Variants in LMBR1 observed in about 807,000 individuals in gnomAD.
LMBR1 encodes limb development membrane protein 1.
Under a neutral mutation model 73.9 loss-of-function variants are expected in LMBR1, and 52 were observed. That is an observed-to-expected ratio of 0.70 (90% CI 0.56 to 0.89). The LOEUF (loss-of-function observed/expected upper bound fraction) is 0.89, where lower values mean the gene tolerates loss of function less well. Ranked by LOEUF, LMBR1 falls within the 40% of genes least tolerant of loss-of-function variation. LMBR1 has a pLI of 0.00. For missense variants in LMBR1, 539 were observed against 579.8 expected (o/e 0.93, Z 0.72); for synonymous variants, 215 against 209.4 (o/e 1.03, Z -0.23).
At chr7:156,868,032 T>A (rs1798717993) in intron 1 of LMBR1, among the ~76,000 whole-genome samples, 1 of 151,988 alleles carries the variant, frequency 6.6e-6, no homozygotes, top group Non-Finnish European at 1.5e-5. Flanking sequence ...GGAAAGAAAA[T>A]TTTTTTAATA....
intron 9 of LMBR1, among the ~76,000 whole-genome samples, chr7:156,737,056 CTT>C (rs992475290): frequency 1.4e-4 from 22 of 152,290 alleles, no homozygotes; most frequent in African/African-American, 3.6e-4. Context: ...TGGAGCATCT[CTT>C]GTTTCCTACG....
intron 5 of LMBR1, among the ~76,000 whole-genome samples, chr7:156,790,025 C>T (rs916908927): frequency 2.6e-5 from 4 of 151,980 alleles, no homozygotes; most frequent in African/African-American, 9.7e-5. Flanking sequence ...CATTATGAGA[C>T]ATTAGTTAGT....
intron 4 of LMBR1, among the ~76,000 whole-genome samples, chr7:156,820,443 G>A (rs926412806): frequency 1.3e-5 from 2 of 152,180 alleles, no homozygotes; most frequent in Non-Finnish European, 1.5e-5. Context: ...GGCCCATTAT[G>A]TTGACGATAT....
chr7:156,759,978 A>G (rs1418311598), intron 8 of LMBR1, among the ~76,000 whole-genome samples: 12 of 152,346 alleles, frequency 7.9e-5, no homozygotes, highest in Non-Finnish European at 1.3e-4. Context: ...CAGGAAGGAC[A>G]GTTAGGAACA....
chr7:156,870,685 A>G (rs1477805805), intron 1 of LMBR1, among the ~76,000 whole-genome samples: 1 of 151,980 alleles, frequency 6.6e-6, no homozygotes, highest in Non-Finnish European at 1.5e-5. Context: ...GACTGGTGTG[A>G]ACCCAGGAGG....
chr7:156,866,769 A>G (rs915438302), intron 1 of LMBR1, among the ~76,000 whole-genome samples: 2 of 151,882 alleles, frequency 1.3e-5, no homozygotes, highest in African/African-American at 4.8e-5. Context: ...GCACCCAGCT[A>G]AATTTTGTAT....
Position 156,670,200 on chromosome 7 carries a change from C to T in LMBR1, n.867-913G>A, listed in dbSNP as rs1490882026. Among the ~76,000 whole-genome samples, 1 of 152,222 alleles carries T rather than the reference C, an allele frequency of 6.6e-6. No individual in the cohort carries two copies. Among genetic ancestry groups the T allele is most frequent in the Non-Finnish European group, 1.5e-5 (1 of 68,046 alleles). ...AAAAGCACACAATTCGTATTTCCCA[C>T]CCACTAGGGCACACACATTTCCTTC... On this transcript the variant is annotated intron_variant and non_coding_transcript_variant, in intron 4 of 4. Coordinates refer to the LMBR1 transcript ENST00000430825. The surrounding 1 kb of genome is among the most constrained non-coding windows in gnomAD (Gnocchi z 4.3).
chr7:156,892,890 C>G, intron 1 of LMBR1, 38 bp downstream of exon 1: 1 of 1,402,530 alleles, frequency 7.1e-7, no homozygotes, highest in Non-Finnish European at 9.3e-7. Context: ...CCCGGGCGGG[C>G]ACGCGGGACT....
At chr7:156,886,803 C>T (rs1442407433) in intron 1 of LMBR1, among the ~76,000 whole-genome samples, 1 of 152,196 alleles carries the variant, frequency 6.6e-6, no homozygotes, top group African/African-American at 2.4e-5. Flanking sequence ...ATTTTGTTCA[C>T]AGTTGGGTAT....
intron 1 of LMBR1, among the ~76,000 whole-genome samples, chr7:156,854,677 A>G (rs1796699588): frequency 6.6e-6 from 1 of 152,222 alleles, no homozygotes; most frequent in African/African-American, 2.4e-5. Flanking sequence ...AAGGAGGTCA[A>G]AAGCCGAGTA....
intron 3 of LMBR1, among the ~76,000 whole-genome samples, chr7:156,830,447 C>A (rs1013994821): frequency 1.3e-5 from 2 of 152,082 alleles, no homozygotes; most frequent in African/African-American, 4.8e-5. Context: ...GGAAACAAGA[C>A]TTTATCATAG....
At chr7:156,828,488 T>C (rs960530337) in intron 3 of LMBR1, among the ~76,000 whole-genome samples, 4 of 152,174 alleles carry the variant, frequency 2.6e-5, no homozygotes, top group Non-Finnish European at 4.4e-5. Context: ...TATCTGACAT[T>C]TGTGACTAGG....
chr7:156,783,398 C>T (rs970326984), intron 5 of LMBR1, among the ~76,000 whole-genome samples: 2 of 152,072 alleles, frequency 1.3e-5, no homozygotes, highest in South Asian at 2.1e-4. Flanking sequence ...AGGCTAGTCT[C>T]GAACTCCTGG....
intron 4 of LMBR1, among the ~76,000 whole-genome samples, chr7:156,824,367 A>C (rs1835306134): frequency 1.3e-5 from 2 of 152,124 alleles, no homozygotes; most frequent in African/African-American, 4.8e-5. Context: ...CTCAAACAAC[A>C]AGAGACAGGA....
chr7:156,806,205 G>A (rs1157030718), intron 4 of LMBR1, among the ~76,000 whole-genome samples: 2 of 152,016 alleles, frequency 1.3e-5, no homozygotes, highest in African/African-American at 2.4e-5. Flanking sequence ...TAGGTCTCAC[G>A]CATCCCTAAG....
intron 1 of LMBR1, among the ~76,000 whole-genome samples, chr7:156,881,806 A>AT (rs946109354): frequency 6.7e-6 from 1 of 148,372 alleles, no homozygotes; most frequent in African/African-American, 2.6e-5. Flanking sequence ...GATGGCTATG[A>AT]TTAAAAAAAA....
chr7:156,774,527 C>G (rs1266058640), intron 5 of LMBR1, among the ~76,000 whole-genome samples: 2 of 152,108 alleles, frequency 1.3e-5, no homozygotes, highest in African/African-American at 4.8e-5. Flanking sequence ...GAATACTATG[C>G]AGCAATAAAA....
intron 3 of LMBR1, 130 bp downstream of exon 3, chr7:156,833,623 T>G: frequency 1.5e-6 from 1 of 658,794 alleles, no homozygotes; most frequent in Non-Finnish European, 2.6e-6. Context: ...TTTCTAAAAT[T>G]AATATGATAA....
At chr7:156,838,906 C>T (rs1392296927) in intron 1 of LMBR1, among the ~76,000 whole-genome samples, 1 of 152,092 alleles carries the variant, frequency 6.6e-6, no homozygotes, top group African/African-American at 2.4e-5. Context: ...TTGATTACAG[C>T]CACCCTAACA....
Sources: gnomAD v4.1 joint callset for allele counts (sites outside exome capture counted in the v4.1 genomes callset) on GRCh38, gnomAD v4.1.1 for gene constraint, Gnocchi (gnomAD v3.1) non-coding constraint, MANE v1.5 for transcripts, NCBI Gene and HGNC (gene_info 2026-07-23, HGNC 2026-07-21) for gene names.